Variants in DENND1C observed in about 807,000 individuals in gnomAD.
The protein encoded by DENND1C is DENN domain containing 1C.
A neutral mutation model predicts 87.9 loss-of-function variants in DENND1C; 64 were observed. The ratio of observed to expected loss-of-function variants is 0.73; its 90% CI spans 0.60 to 0.90. DENND1C has a LOEUF of 0.90. Among genes scored for constraint, DENND1C ranks in the 40% least tolerant of loss-of-function variants. The pLI, the probability that DENND1C is intolerant of heterozygous loss-of-function variation, is 0.00. For missense variants in DENND1C, 980 were observed against 1,037.0 expected (o/e 0.95, Z 0.76); for synonymous variants, 384 against 424.4 (o/e 0.90, Z 1.17).
chr19:6,478,979 C>A lies in DENND1C; in HGVS notation c.254G>T (p.Cys85Phe), dbSNP rs775981033. Residue 85 changes from cysteine to phenylalanine, a missense_variant, in exon 5 of 23, where the codon TGC (cysteine) becomes TTC (phenylalanine). Cys to Phe is a radical substitution (Grantham distance 205, BLOSUM62 -2). Coordinates refer to ENST00000381480, the MANE Select transcript of DENND1C (RefSeq NM_024898.4). ...GCTCTGGGTACCCGCCCGCAGGCGGCAGAAACCAAATCTGCGGTTGCCGGC... is the reference window on the plus strand; with the variant it reads ...GCTCTGGGTACCCGCCCGCAGGCGGAAGAAACCAAATCTGCGGTTGCCGGC... ...DLAGNRRFGF[C>F]RLRAGTQSCL... The A allele has an allele frequency of 3.1e-6, 5 of 1,613,948 alleles. No individual in the cohort carries two copies. Among genetic ancestry groups the A allele is most frequent in the Non-Finnish European group, 3.4e-6 (4 of 1,179,862 alleles).
At position 6,467,394 on chromosome 19, in the gene DENND1C, A is replaced by G; in HGVS notation, c.*110T>C. The G allele has an allele frequency of 7.3e-7, 1 of 1,376,448 alleles. No homozygotes were observed. The highest frequency in any genetic ancestry group is 2.7e-5 in the Admixed American group (1 of 36,804). The allele number at this position is 1,376,448 out of a possible 1,614,324, so 85.3% of individuals were successfully genotyped here. A position where few individuals can be genotyped will look rare whatever the true frequency, so the allele number is the denominator to read the frequency against. On this transcript the variant is annotated 3_prime_UTR_variant, in exon 23 of 23. Transcript: ENST00000381480. ...GGAGGGACAGAGGTGGGTGGGATGG[A>G]TTTCCGAGCAGAGTGAGGGCACCAG...
intron 14 of DENND1C, 53 bp from the exon 15 acceptor site, chr19:6,473,046 C>T: frequency 7.6e-7 from 1 of 1,316,374 alleles, no homozygotes; most frequent in Non-Finnish European, 1.0e-6. Flanking sequence ...GGCCCTCCCT[C>T]ATTCTACTAT....
intron 6 of DENND1C, among the ~76,000 whole-genome samples, chr19:6,477,945 C>T (rs1220406336): frequency 2.6e-5 from 4 of 151,060 alleles, no homozygotes; most frequent in Admixed American, 6.6e-5. Context: ...GCTGGTGGGC[C>T]GCGCCTATAG....
At chr19:6,470,244 C>T in intron 18 of DENND1C, 51 bp downstream of exon 18, 4 of 1,558,462 alleles carry the variant, frequency 2.6e-6, no homozygotes, top group Non-Finnish European at 3.5e-6. Flanking sequence ...TGTCCTCTGT[C>T]CCCTCCCCCT....
At chr19:6,480,257 G>T (rs1913455527) in intron 1 of DENND1C, 1 of 1,439,590 alleles carries the variant, frequency 6.9e-7, no homozygotes, top group East Asian at 2.5e-5. Context: ...ACAGGATGGA[G>T]TGAGAAAGTG....
chr19:6,480,181 T>G (rs1041778878), intron 1 of DENND1C, 130 bp from the exon 2 acceptor site: 4 of 1,491,348 alleles, frequency 2.7e-6, no homozygotes, highest in East Asian at 2.5e-5. Flanking sequence ...ACTCTGGGGG[T>G]TTGTGGCTGT....
chr19:6,479,248 A>G lies in DENND1C; in HGVS notation c.177-192T>C, dbSNP rs533715056. On this transcript the variant is annotated intron_variant, in intron 4 of 22. Coordinates refer to ENST00000381480, the MANE Select transcript of DENND1C (RefSeq NM_024898.4). ...GGGTCCCTGGATCTCTGGGTCCCTG[A>G]GTCCCTGGGTCCCTGGATCTCTGGG... Among the ~76,000 whole-genome samples, 124 of 149,296 alleles carry G rather than the reference A, an allele frequency of 8.3e-4. 2 individuals are homozygous for G. The highest frequency in any genetic ancestry group is 2.8e-3 in the African/African-American group (110 of 39,268).
chr19:6,471,991 A>G (rs2092832111), intron 15 of DENND1C, among the ~76,000 whole-genome samples: 1 of 152,050 alleles, frequency 6.6e-6, no homozygotes. Flanking sequence ...TCCCTCCCCG[A>G]GTCAGGACCT....
chr19:6,475,499 C>G lies in DENND1C; in HGVS notation c.912G>C (p.Ala304=). The change falls in exon 13 of 23, where the codon GCG becomes GCC. Residue 304 remains alanine (A), a synonymous_variant. Coordinates refer to ENST00000381480, the MANE Select transcript of DENND1C (RefSeq NM_024898.4). ...TLETTFNDVQ[A]LPPDVVSLLR... is the part of the protein sequence containing the mutation. Reference sequence around the variant, plus strand: ...CGACACTGACCACGTCTGGAGGCAGCGCCTGCACGTCGTTAAAGGTCGTCT... The same window carrying G: ...CGACACTGACCACGTCTGGAGGCAGGGCCTGCACGTCGTTAAAGGTCGTCT... 6.2e-7 allele frequency: 1 copy of G among 1,613,880 alleles called. No homozygotes were observed. The highest frequency in any genetic ancestry group is 8.5e-7 in the Non-Finnish European group (1 of 1,179,866).
At chr19:6,471,174 G>A (rs971987671) in intron 17 of DENND1C, 91 bp downstream of exon 17, 1 of 1,519,276 alleles carries the variant, frequency 6.6e-7, no homozygotes, top group East Asian at 2.5e-5. Context: ...TCAAACTTCT[G>A]GTCGCAGCAA....
chr19:6,479,586 G>A (rs2092886291), intron 4 of DENND1C, 83 bp downstream of exon 4: 2 of 1,563,814 alleles, frequency 1.3e-6, no homozygotes, highest in East Asian at 2.2e-5. Context: ...GTTTCCAGAT[G>A]TCTGAGTCTC....
chr19:6,467,445 CT>C lies in DENND1C; in HGVS notation c.*58del. The C allele has an allele frequency of 6.8e-6, 10 of 1,460,278 alleles. No individual in the cohort carries two copies. Among genetic ancestry groups the C allele is most frequent in the East Asian group, 2.6e-5 (1 of 38,992 alleles). 90.5% of individuals were successfully genotyped at this position (1,460,278 alleles called of 1,614,324 possible). A position where few individuals can be genotyped will look rare whatever the true frequency, so the allele number is the denominator to read the frequency against. On this transcript the variant is annotated 3_prime_UTR_variant, in exon 23 of 23. Coordinates refer to ENST00000381480, the MANE Select transcript of DENND1C (RefSeq NM_024898.4). ...AGAAATTCACCAGGAAAAAAACCAG[CT>C]TTTTTGGGCTCTTGTGGCTTTATTG...
chr19:6,476,598 G>T (rs1473441333), intron 10 of DENND1C: 2 of 476,328 alleles, frequency 4.2e-6, no homozygotes, highest in Non-Finnish European at 7.5e-6. Context: ...GGTCCGGAGG[G>T]GTGGAGCCAG....
Position 6,470,325 on chromosome 19 carries a change from G to C in DENND1C, c.1332C>G (p.Thr444=). The C allele has an allele frequency of 6.2e-7, 1 of 1,612,398 alleles. No homozygotes were observed. The highest frequency in any genetic ancestry group is 8.5e-7 in the Non-Finnish European group (1 of 1,179,354). ...GGTACATGTTCTTGACGGCTGGTTG[G>C]GTCTTGGCCTTGACTGAGTGCAGGA... ...GALLHSVKAK[T]QPAVKNMYRS... Residue 444 remains threonine (T), a synonymous_variant, in exon 18 of 23, where the codon ACC becomes ACG. Coordinates refer to ENST00000381480, the MANE Select transcript of DENND1C (RefSeq NM_024898.4).
chr19:6,468,911 G>A lies in DENND1C; in HGVS notation c.1450C>T (p.Pro484Ser). The change falls in exon 20 of 23, where the codon CCA becomes TCA. Residue 484 changes from proline (P) to serine (S), a missense_variant. By Grantham distance (74) the Pro-to-Ser change is moderately conservative (BLOSUM62 -1). Coordinates refer to ENST00000381480, the MANE Select transcript of DENND1C (RefSeq NM_024898.4). The stretch of plus-strand genomic sequence containing the variant: ...CGGTCTGAGCGGCTGGGGAGGGCTG[G>A]GGCCCTCAGAGAGCCCCCCCTCTGC... Reference protein sequence around the residue: ...VLQRGGSLRAPALPSRSDRLQ... With the variant: ...VLQRGGSLRASALPSRSDRLQ... 6.8e-7 allele frequency: 1 copy of A among 1,481,412 alleles called. No homozygotes were observed. The highest frequency in any genetic ancestry group is 8.9e-7 in the Non-Finnish European group (1 of 1,120,724). The allele number at this position is 1,481,412 out of a possible 1,614,324, so 91.8% of individuals were successfully genotyped here. A position where few individuals can be genotyped will look rare whatever the true frequency, so the allele number is the denominator to read the frequency against.
rs2092865270 is a variant in DENND1C at position 6,477,020 on chromosome 19, C to T, written c.568-53G>A. 3 of 1,613,266 alleles carry T rather than the reference C, an allele frequency of 1.9e-6. No individual in the cohort carries two copies. The South Asian group carries it at 3.3e-5, about 18-fold the overall frequency. The stretch of plus-strand genomic sequence containing the variant: ...TGGACGGGCCCCTGGATCTTGCATC[C>T]CCGGTCCGGGTTTCGGGACCTGTTC... On this transcript the variant is annotated intron_variant, in intron 9 of 22. Coordinates refer to ENST00000381480, the MANE Select transcript of DENND1C (RefSeq NM_024898.4).
chr19:6,468,844 AC>A lies in DENND1C; in HGVS notation c.1515+1del. The A allele has an allele frequency of 1.3e-6, 2 of 1,511,370 alleles. No homozygotes were observed. Among genetic ancestry groups the A allele is most frequent in the Non-Finnish European group, 1.8e-6 (2 of 1,135,992 alleles). 93.6% of individuals were successfully genotyped at this position (1,511,370 alleles called of 1,614,324 possible). A position where few individuals can be genotyped will look rare whatever the true frequency, so the allele number is the denominator to read the frequency against. On this transcript the variant is annotated splice_donor_variant, in intron 20 of 22. Transcript: ENST00000381480. LOFTEE classifies it high-confidence loss of function. Reference sequence around the variant, plus strand: ...TGTGCATGGGGGGAGGGGCGCTCTCACCTTTCCAAAGTGCTGAGTGATTGGG... The same window carrying A: ...TGTGCATGGGGGGAGGGGCGCTCTCACTTTCCAAAGTGCTGAGTGATTGGG...
intron 17 of DENND1C, among the ~76,000 whole-genome samples, chr19:6,470,962 A>C (rs2092825639): frequency 6.7e-6 from 1 of 149,272 alleles, no homozygotes; most frequent in African/African-American, 2.5e-5. Context: ...CCAGGCAACA[A>C]AGTGGTTTTT....
In DENND1C at chr19:6,467,959, C is replaced by A. The variant is rs776862222; in HGVS notation, c.1951G>T (p.Val651Phe). ...QLIPSESDQE[V>F]TSPSQSSTAS... ...GTTGAGGACTGGGATGGAGACGTGA[C>A]TTCTTGGTCGGACTCTGAGGGTATC... The change falls in exon 23 of 23, where the codon GTC becomes TTC. Residue 651 changes from valine to phenylalanine, a missense_variant. Physicochemically the swap from Val to Phe is conservative, Grantham distance 50 (BLOSUM62 -1). Coordinates refer to ENST00000381480, the MANE Select transcript of DENND1C (RefSeq NM_024898.4). 4 of 1,613,884 alleles carry A rather than the reference C, an allele frequency of 2.5e-6. No individual in the cohort carries two copies. Among genetic ancestry groups the A allele is most frequent in the Non-Finnish European group, 3.4e-6 (4 of 1,179,846 alleles).
Sources: gnomAD v4.1 joint callset for allele counts (sites outside exome capture counted in the v4.1 genomes callset) on GRCh38, gnomAD v4.1.1 for gene constraint, MANE v1.5 for transcripts, NCBI Gene and HGNC (gene_info 2026-07-23, HGNC 2026-07-21) for gene names.